Variants in ETV4 observed in about 807,000 individuals in gnomAD.
ETV4 encodes the protein ETS variant transcription factor 4, also known as ETS translocation variant 4.
A neutral mutation model predicts 65.9 loss-of-function variants in ETV4; 42 were observed. That is an observed-to-expected ratio of 0.64 (90% CI 0.50 to 0.82). The LOEUF (loss-of-function observed/expected upper bound fraction) is 0.82, where lower values mean the gene tolerates loss of function less well. Ranked by LOEUF, ETV4 falls within the 40% of genes least tolerant of loss-of-function variation. The pLI is 0.00. For missense variants in ETV4, 583 were observed against 630.3 expected (o/e 0.92, Z 0.80); for synonymous variants, 238 against 260.0 (o/e 0.92, Z 0.81).
rs546129824 is a variant in ETV4, at chr17:43,532,088, T to C, written c.811+586A>G. On this transcript the variant is annotated intron_variant, in intron 8 of 12. Transcript: ENST00000319349. ...TTGCCTAAGCTGGCCTTGAACTAATTCCTGGGCTCAAACGATCCTCCTGCC... is the reference window on the plus strand; with the variant it reads ...TTGCCTAAGCTGGCCTTGAACTAATCCCTGGGCTCAAACGATCCTCCTGCC... Among the ~76,000 whole-genome samples, 7 of 152,342 alleles carry C rather than the reference T, an allele frequency of 4.6e-5. No homozygotes were observed. The East Asian group carries it at 1.2e-3, about 25-fold the overall frequency.
chr17:43,528,464 T>C lies in ETV4; in HGVS notation c.*55A>G. 2.4e-6 allele frequency: 3 copies of C among 1,228,148 alleles called. No homozygotes were observed. Among genetic ancestry groups the C allele is most frequent in the Non-Finnish European group, 3.4e-6 (3 of 876,848 alleles). 76.1% of individuals were successfully genotyped at this position (1,228,148 alleles called of 1,614,324 possible). A position where few individuals can be genotyped will look rare whatever the true frequency, so the allele number is the denominator to read the frequency against. On this transcript the variant is annotated 3_prime_UTR_variant, in exon 13 of 13. Transcript: ENST00000319349. Reference sequence around the variant, plus strand: ...GAAGGTTTCCCCAACACCAGATTCATTTATATGTACACAGGGCAGCACCCA... The same window carrying C: ...GAAGGTTTCCCCAACACCAGATTCACTTATATGTACACAGGGCAGCACCCA...
In ETV4 at chr17:43,528,170, T is replaced by G. The variant is rs533283267; in HGVS notation, c.*349A>C. 1.8e-4 allele frequency: 45 copies of G among 252,872 alleles called. No homozygotes were observed. Among genetic ancestry groups the G allele is most frequent in the Admixed American group, 4.2e-4 (8 of 19,026 alleles). The allele number at this position is 252,872 out of a possible 1,614,324, so 15.7% of individuals were successfully genotyped here. A position where few individuals can be genotyped will look rare whatever the true frequency, so the allele number is the denominator to read the frequency against. On this transcript the variant is annotated 3_prime_UTR_variant, in exon 13 of 13. Coordinates refer to ENST00000319349, the MANE Select transcript of ETV4 (RefSeq NM_001079675.5). ...TCCTCACCCTCCTGCCAGTATGAAG[T>G]TGGGAAGCGCCTTCTCTGTCCCCCA...
chr17:43,544,867 G>T, intron 4 of ETV4, 108 bp downstream of exon 4: 1 of 1,067,436 alleles, frequency 9.4e-7, no homozygotes, highest in Non-Finnish European at 1.4e-6. Flanking sequence ...AACTCCTTGA[G>T]GCAGGGAAGG....
intron 6 of ETV4, 98 bp from the exon 7 acceptor site, chr17:43,533,446 G>A (rs1231745076): frequency 1.7e-6 from 2 of 1,177,568 alleles, no homozygotes; most frequent in African/African-American, 3.0e-5. Flanking sequence ...GGGATTACAG[G>A]AGAAGGAAGG....
In ETV4 at chr17:43,545,342, C is replaced by G. The variant is rs1294970891; in HGVS notation, c.86G>C (p.Arg29Pro). The G allele has an allele frequency of 1.1e-5, 18 of 1,605,050 alleles. No homozygotes were observed. Among genetic ancestry groups the G allele is most frequent in the Non-Finnish European group, 1.5e-5 (18 of 1,175,768 alleles). ...SSKSPGNGSL[R>P]EALIGPLGKL... ...CCCCAGCGGGCCGATCAGCGCTTCG[C>G]GCAAGCTCCCATTTCCGGGCGATTT... The change falls in exon 3 of 13, where the codon CGC becomes CCC. Residue 29 changes from arginine to proline, a missense_variant. By Grantham distance (103) the Arg-to-Pro change is moderately radical. Coordinates refer to ENST00000319349, the MANE Select transcript of ETV4 (RefSeq NM_001079675.5).
chr17:43,529,200 C>T lies in ETV4; in HGVS notation c.1165G>A (p.Ala389Thr). Residue 389 changes from alanine to threonine, a missense_variant, in exon 12 of 13, where the codon GCC becomes ACC. By Grantham distance (58) the Ala-to-Thr change is moderately conservative. Transcript: ENST00000319349. ...RLWGIQKNRP[A>T]MNYDKLSRSL... ...CGGCTCAGCTTGTCGTAATTCATGG[C>T]TGGCCGGTTCTTCTGGATGCCCCAG... 1.2e-6 allele frequency: 2 copies of T among 1,614,020 alleles called. No homozygotes were observed. The highest frequency in any genetic ancestry group is 1.7e-6 in the Non-Finnish European group (2 of 1,180,026).
At chr17:43,536,401 C>T in intron 5 of ETV4, 25 bp downstream of exon 5, 1 of 1,609,336 alleles carries the variant, frequency 6.2e-7, no homozygotes, top group East Asian at 2.2e-5. Context: ...CTCCCTATAC[C>T]CTCTCCCCAG....
In ETV4 at chr17:43,529,586, G is replaced by A. The variant is rs756584324; in HGVS notation, c.1046C>T (p.Ala349Val). The A allele has an allele frequency of 2.5e-6, 4 of 1,614,106 alleles. No individual in the cohort carries two copies. In the South Asian group the frequency reaches 3.3e-5, roughly 13 times the overall value. The change falls in exon 11 of 13, where the codon GCC becomes GTC. Residue 349 changes from alanine to valine, a missense_variant. Coordinates refer to ENST00000319349, the MANE Select transcript of ETV4 (RefSeq NM_001079675.5). ...GALQLWQFLVALLDDPTNAHF... is the reference protein window; with the variant it reads ...GALQLWQFLVVLLDDPTNAHF... ...GGCATTTGTTGGGTCATCCAGCAAGGCCACCAGAAATTGCCACAGCTGCAG... is the reference window on the plus strand; with the variant it reads ...GGCATTTGTTGGGTCATCCAGCAAGACCACCAGAAATTGCCACAGCTGCAG...
At chr17:43,536,390 A>G (rs1971244185) in intron 5 of ETV4, 36 bp downstream of exon 5, 8 of 1,589,308 alleles carry the variant, frequency 5.0e-6, no homozygotes, top group African/African-American at 1.3e-5. Flanking sequence ...GCCATCCTCC[A>G]CTCCCTATAC....
intron 5 of ETV4, among the ~76,000 whole-genome samples, chr17:43,534,801 C>T (rs987945131): frequency 1.3e-5 from 2 of 151,912 alleles, no homozygotes; most frequent in East Asian, 2.0e-4. Context: ...ATTAGCCGGG[C>T]GTGGTGGCAC....
At chr17:43,534,802 GT>G (rs1971148790) in intron 5 of ETV4, among the ~76,000 whole-genome samples, 1 of 151,932 alleles carries the variant, frequency 6.6e-6, no homozygotes, top group Non-Finnish European at 1.5e-5. Context: ...TTAGCCGGGC[GT>G]GGTGGCACAT....
At chr17:43,529,462 TA>T in intron 11 of ETV4, 41 bp downstream of exon 11, 1 of 1,576,268 alleles carries the variant, frequency 6.3e-7, no homozygotes, top group Non-Finnish European at 8.6e-7. Context: ...CTCCAGGCTG[TA>T]AACTTTGGAA....
intron 4 of ETV4, among the ~76,000 whole-genome samples, chr17:43,537,634 T>G (rs965170171): frequency 6.6e-6 from 1 of 152,010 alleles, no homozygotes; most frequent in Non-Finnish European, 1.5e-5. Context: ...AGGCAGAGGT[T>G]GCAGTCAGCT....
At position 43,529,654 on chromosome 17, in the gene ETV4, G is replaced by A. The variant is rs368239692; in HGVS notation, c.978C>T (p.Val326=). 79 of 1,612,928 alleles carry A rather than the reference G, an allele frequency of 4.9e-5. No individual in the cohort carries two copies. The highest frequency in any genetic ancestry group is 1.4e-4 in the South Asian group (13 of 90,990). ...KFEGDIKQEG[V]GAFREGPPYQ... ...AGGGCGGCCCCTCTCGAAATGCACC[G>A]ACCCCTTCCTGCTTGATGTCTCCTG... The change falls in exon 11 of 13, where the codon GTC becomes GTT. Residue 326 remains valine, a synonymous_variant. Coordinates refer to ENST00000319349, the MANE Select transcript of ETV4 (RefSeq NM_001079675.5).
At position 43,533,258 on chromosome 17, in the gene ETV4, C is replaced by G. The variant is rs1171008035; in HGVS notation, c.474G>C (p.Glu158Asp). The change falls in exon 7 of 13, where the codon GAG becomes GAC. Residue 158 changes from glutamate (E) to aspartate (D), a missense_variant. Physicochemically the swap from Glu to Asp is conservative, Grantham distance 45. Transcript: ENST00000319349. The stretch of plus-strand genomic sequence containing the variant: ...CAGAGGATCTCAGGAAATTCCGTTG[C>G]TCTGCCCGGGGAAAGGGCTGTAGGG... ...QSPLQPFPRA[E>D]QRNFLRSSGT... 6.2e-7 allele frequency: 1 copy of G among 1,613,838 alleles called. No homozygotes were observed. The highest frequency in any genetic ancestry group is 8.5e-7 in the Non-Finnish European group (1 of 1,179,950).
At chr17:43,531,482 G>C (rs563472738) in intron 8 of ETV4, among the ~76,000 whole-genome samples, 13 of 152,136 alleles carry the variant, frequency 8.5e-5, no homozygotes, top group Non-Finnish European at 7.4e-5. Flanking sequence ...AAATATGTAA[G>C]CCACATATTA....
At chr17:43,545,146 T>G (rs1275902245) in intron 3 of ETV4, 124 bp from the exon 4 acceptor site, 29 of 1,307,844 alleles carry the variant, frequency 2.2e-5, no homozygotes, top group Non-Finnish European at 3.2e-5. Flanking sequence ...CCAAAATCCC[T>G]TGGAGGGCGA....
At position 43,528,447 on chromosome 17, in the gene ETV4, C is replaced by T; in HGVS notation, c.*72G>A. 5 of 1,076,542 alleles carry T rather than the reference C, an allele frequency of 4.6e-6. No individual in the cohort carries two copies. Among genetic ancestry groups the T allele is most frequent in the East Asian group, 2.5e-5 (1 of 39,396 alleles). 66.7% of individuals were successfully genotyped at this position (1,076,542 alleles called of 1,614,324 possible). A position where few individuals can be genotyped will look rare whatever the true frequency, so the allele number is the denominator to read the frequency against. ...ATCTGTGGGTTTCAGATGAAGGTTT[C>T]CCCAACACCAGATTCATTTATATGT... On this transcript the variant is annotated 3_prime_UTR_variant, in exon 13 of 13. Coordinates refer to ENST00000319349, the MANE Select transcript of ETV4 (RefSeq NM_001079675.5).
chr17:43,529,284 A>C, intron 11 of ETV4, 48 bp from the exon 12 acceptor site: 4 of 1,581,154 alleles, frequency 2.5e-6, no homozygotes, highest in Non-Finnish European at 3.5e-6. Flanking sequence ...TGGCAGAGGA[A>C]AAAATGGGGG....
Sources: allele counts gnomAD v4.1 joint callset (sites outside exome capture counted in the v4.1 genomes callset), GRCh38; gene constraint gnomAD v4.1.1; transcripts MANE v1.5; gene names NCBI Gene and HGNC (gene_info 2026-07-23, HGNC 2026-07-21).